Variants in FAM193A observed in about 807,000 individuals in gnomAD.
FAM193A encodes the protein family with sequence similarity 193 member A, also known as protein FAM193A.
A neutral mutation model predicts 126.5 loss-of-function variants in FAM193A; 22 were observed. That is an observed-to-expected ratio of 0.17 (90% confidence interval 0.12 to 0.25). FAM193A has a LOEUF of 0.25. FAM193A is among the 10% of genes least tolerant of loss of function. The pLI, the probability that FAM193A is intolerant of heterozygous loss-of-function variation, is 1.00. For synonymous variants in FAM193A, 761 were observed against 646.8 expected, an observed-to-expected ratio of 1.18 and a Z score of -2.68; for missense variants, 1,675 against 1,672.8, an observed-to-expected ratio of 1.00 and a Z score of -0.02.
chr4:2,726,466 A>C (rs942795405), intron 20 of FAM193A, among the ~76,000 whole-genome samples: 88 of 152,252 alleles, frequency 5.8e-4, no homozygotes, highest in African/African-American at 2.1e-3. Flanking sequence ...GGGAAAAAAA[A>C]GGGAAACTGC....
At chr4:2,646,648 G>A in intron 6 of FAM193A, 37 bp from the exon 7 acceptor site, 1 of 1,559,548 alleles carries the variant, frequency 6.4e-7, no homozygotes, top group Non-Finnish European at 8.7e-7. Context: ...AGAGCCTTTG[G>A]GTTCTTTCCT....
In FAM193A at chr4:2,693,809, T is replaced by A. The variant is rs760970490; in HGVS notation, c.3027T>A (p.Ser1009Arg). 6.2e-7 allele frequency: 1 copy of A among 1,613,940 alleles called. No individual in the cohort carries two copies. Among genetic ancestry groups the A allele is most frequent in the Non-Finnish European group, 8.5e-7 (1 of 1,179,986 alleles). ...TTPGFVDTRK[S>R]FCPAPLPPAT... ...CTGGGTTTGTGGACACACGCAAGAG[T>A]TTCTGTCCTGCACCCCTACCCCCGG... The change falls in exon 16 of 21, where the codon AGT becomes AGA. Residue 1009 changes from serine to arginine, a missense_variant. Physicochemically the swap from Ser to Arg is moderately radical, Grantham distance 110. Transcript: ENST00000637812.
intron 2 of FAM193A, among the ~76,000 whole-genome samples, chr4:2,607,559 C>G (rs933465049): frequency 4.6e-5 from 7 of 152,200 alleles, no homozygotes; most frequent in Admixed American, 1.3e-4. Flanking sequence ...TCTGCTGATA[C>G]ATATTTAACA....
chr4:2,653,229 G>C (rs1300216946), intron 7 of FAM193A, among the ~76,000 whole-genome samples: 5 of 152,104 alleles, frequency 3.3e-5, no homozygotes, highest in Non-Finnish European at 7.3e-5. Flanking sequence ...GTTTCTTGAA[G>C]GTAAACATTT....
chr4:2,652,541 C>T (rs1169678534), intron 7 of FAM193A, among the ~76,000 whole-genome samples: 1 of 152,130 alleles, frequency 6.6e-6, no homozygotes, highest in Admixed American at 6.5e-5. Context: ...GCCAGCACAT[C>T]TTACGTGGCT....
At chr4:2,549,632 G>A (rs1318053529) in intron 1 of FAM193A, among the ~76,000 whole-genome samples, 1 of 151,528 alleles carries the variant, frequency 6.6e-6, no homozygotes, top group African/African-American at 2.4e-5. Context: ...TCCTGACCTC[G>A]TGATCCGCCC....
At chr4:2,718,464 T>C (rs75539632) in intron 20 of FAM193A, among the ~76,000 whole-genome samples, 2,319 of 152,124 alleles carry the variant, frequency 0.015, 18 homozygotes, top group Middle Eastern at 0.024. Flanking sequence ...CTGTGGTTCA[T>C]GCCTGTAGTC....
intron 2 of FAM193A, among the ~76,000 whole-genome samples, chr4:2,621,119 G>A (rs558527606): frequency 5.3e-5 from 8 of 152,110 alleles, no homozygotes; most frequent in Non-Finnish European, 1.0e-4. Flanking sequence ...CACCACTGAT[G>A]AGGAGCTGCC....
intron 19 of FAM193A, among the ~76,000 whole-genome samples, chr4:2,705,649 G>A (rs559015363): frequency 6.6e-6 from 1 of 152,010 alleles, no homozygotes; most frequent in African/African-American, 2.4e-5. Flanking sequence ...GAGTGTGGTG[G>A]TGCGGTCATA....
intron 1 of FAM193A, among the ~76,000 whole-genome samples, chr4:2,538,875 A>G (rs1737051433): frequency 6.6e-6 from 1 of 151,882 alleles, no homozygotes; most frequent in Admixed American, 6.6e-5. Flanking sequence ...ACTTAGGTAA[A>G]ATATAACTTT....
intron 19 of FAM193A, among the ~76,000 whole-genome samples, chr4:2,710,161 G>GTTTTTTTTTTTTTTCTTTTTTTTTTTT (rs1718757701): frequency 2.2e-5 from 2 of 91,822 alleles, no homozygotes; most frequent in African/African-American, 4.0e-5. Flanking sequence ...TTCTTCTTTT[G>GTTTTTTTTTTTTTTCTTTTTTTTTTTT]TTTTTTTTTT....
intron 6 of FAM193A, among the ~76,000 whole-genome samples, chr4:2,642,894 G>A (rs1170851496): frequency 3.3e-5 from 5 of 151,734 alleles, no homozygotes; most frequent in Admixed American, 1.3e-4. Flanking sequence ...CACCACACCC[G>A]GCTAATTTTT....
intron 2 of FAM193A, among the ~76,000 whole-genome samples, chr4:2,607,482 C>T (rs1480119950): frequency 6.6e-6 from 1 of 152,080 alleles, no homozygotes; most frequent in African/African-American, 2.4e-5. Flanking sequence ...GGGTGAAAAT[C>T]CTATTTTGCT....
chr4:2,547,060 GGTA>G (rs1172468543), intron 1 of FAM193A, among the ~76,000 whole-genome samples: 1 of 152,166 alleles, frequency 6.6e-6, no homozygotes, highest in Non-Finnish European at 1.5e-5. Context: ...TAGGATTACA[GGTA>G]TAAGCCCTGG....
intron 2 of FAM193A, among the ~76,000 whole-genome samples, chr4:2,605,890 G>A (rs1290361193): frequency 8.0e-6 from 1 of 125,758 alleles, no homozygotes; most frequent in African/African-American, 2.9e-5. Flanking sequence ...AGAATCACTT[G>A]AACCTAGGAG....
At chr4:2,725,566 G>A (rs1720651220) in intron 20 of FAM193A, among the ~76,000 whole-genome samples, 1 of 147,162 alleles carries the variant, frequency 6.8e-6, no homozygotes. Flanking sequence ...CTGCTGTATT[G>A]TATAGACTCT....
chr4:2,591,621 A>G (rs531783829), intron 1 of FAM193A, among the ~76,000 whole-genome samples: 44 of 152,320 alleles, frequency 2.9e-4, no homozygotes, highest in Non-Finnish European at 5.9e-4. Flanking sequence ...TTTTACCCTA[A>G]GATGACCTTT....
At chr4:2,706,327 A>G (rs1213481884) in intron 19 of FAM193A, among the ~76,000 whole-genome samples, 8 of 95,334 alleles carry the variant, frequency 8.4e-5, no homozygotes, top group South Asian at 6.5e-4. Context: ...ACAGAGTTTC[A>G]CTCTTGTTGC....
intron 1 of FAM193A, among the ~76,000 whole-genome samples, chr4:2,587,089 A>G (rs543553741): frequency 2.6e-5 from 4 of 152,274 alleles, no homozygotes; most frequent in South Asian, 2.1e-4. Context: ...TTGTGTTGCT[A>G]TAAGGAATAC....
Sources: gnomAD v4.1 joint callset for allele counts (sites outside exome capture counted in the v4.1 genomes callset) on GRCh38, gnomAD v4.1.1 for gene constraint, MANE v1.5 for transcripts, NCBI Gene and HGNC (gene_info 2026-07-23, HGNC 2026-07-21) for gene names.